Variants in TRHDE observed in about 807,000 individuals in gnomAD.
TRHDE encodes thyrotropin-releasing hormone-degrading ectoenzyme.
Under a neutral mutation model 125.7 loss-of-function variants are expected in TRHDE, and 72 were observed. That is an observed-to-expected ratio of 0.57 (90% CI 0.47 to 0.70). The LOEUF is 0.70. TRHDE is among the 30% of genes least tolerant of loss of function. TRHDE has a pLI of 0.00. For synonymous variants in TRHDE, 509 were observed against 509.1 expected, an observed-to-expected ratio of 1.00 and a Z score of 0.00; for missense variants, 1,110 against 1,327.1, an observed-to-expected ratio of 0.84 and a Z score of 2.54.
chr12:72,652,436 G>C lies in TRHDE; in HGVS notation c.2790G>C (p.Lys930Asn). 6.2e-7 allele frequency: 1 copy of C among 1,608,536 alleles called. No individual in the cohort carries two copies. Among genetic ancestry groups the C allele is most frequent in the Non-Finnish European group, 8.5e-7 (1 of 1,177,150 alleles). Residue 930 changes from lysine to asparagine, a missense_variant, in exon 16 of 19, where the codon AAG (lysine) becomes AAC (asparagine). Lys to Asn is a moderately conservative substitution (Grantham distance 94). Transcript: ENST00000261180. ...ATTCCACCACAGCAGTTTCTGAGAAGAAAATATTATTGGAAGCCTTAACTT... is the reference window on the plus strand; with the variant it reads ...ATTCCACCACAGCAGTTTCTGAGAACAAAATATTATTGGAAGCCTTAACTT... ...KFHSTTAVSE[K>N]KILLEALTCS... is the part of the protein sequence containing the mutation.
intron 3 of TRHDE, among the ~76,000 whole-genome samples, chr12:72,424,265 T>G (rs762148726): frequency 2.6e-5 from 4 of 152,142 alleles, no homozygotes; most frequent in Non-Finnish European, 5.9e-5. Flanking sequence ...AGTCTCTGCC[T>G]CTGTCATCAC....
At chr12:72,546,057 G>C (rs977209068) in intron 7 of TRHDE, among the ~76,000 whole-genome samples, 1 of 151,614 alleles carries the variant, frequency 6.6e-6, no homozygotes, top group African/African-American at 2.4e-5. Flanking sequence ...GACAAGAAAA[G>C]CTACCACGGT....
intron 2 of TRHDE, among the ~76,000 whole-genome samples, chr12:72,203,562 G>A (rs1877606434): frequency 6.6e-6 from 1 of 152,130 alleles, no homozygotes; most frequent in Non-Finnish European, 1.5e-5. Context: ...GAAGCCCTAG[G>A]AATATCAAAA....
intron 5 of TRHDE, among the ~76,000 whole-genome samples, chr12:72,493,338 T>C (rs1187162937): frequency 6.6e-6 from 1 of 152,008 alleles, no homozygotes; most frequent in Non-Finnish European, 1.5e-5. Context: ...TTTATATTTA[T>C]ATCTATATTT....
intron 2 of TRHDE, among the ~76,000 whole-genome samples, chr12:72,293,506 C>T (rs1333663459): frequency 6.6e-6 from 1 of 152,128 alleles, no homozygotes; most frequent in Non-Finnish European, 1.5e-5. Flanking sequence ...TACTCTCTTA[C>T]TGGGGACAGG....
intron 2 of TRHDE, among the ~76,000 whole-genome samples, chr12:72,153,745 A>C (rs1033654556): frequency 6.6e-5 from 10 of 152,200 alleles, no homozygotes; most frequent in African/African-American, 2.2e-4. Context: ...GTTTGATTGC[A>C]CTGTGGTCTG....
intron 2 of TRHDE, among the ~76,000 whole-genome samples, chr12:72,329,304 G>A (rs986464850): frequency 6.6e-6 from 1 of 152,200 alleles, no homozygotes; most frequent in Non-Finnish European, 1.5e-5. Context: ...AGGTAAACCA[G>A]TCCTTAAAAG....
chr12:72,334,256 A>G (rs776185577), intron 2 of TRHDE, among the ~76,000 whole-genome samples: 2 of 152,174 alleles, frequency 1.3e-5, no homozygotes, highest in African/African-American at 2.4e-5. Context: ...TTCTTGCCAG[A>G]ATTTTTCTTC....
chr12:72,499,101 C>T (rs772393828), intron 5 of TRHDE, among the ~76,000 whole-genome samples: 6 of 152,008 alleles, frequency 3.9e-5, no homozygotes, highest in Non-Finnish European at 8.8e-5. Context: ...GTTAGTACTT[C>T]TTATATTTAA....
intron 2 of TRHDE, among the ~76,000 whole-genome samples, chr12:72,261,466 A>T (rs1202699310): frequency 6.6e-6 from 1 of 152,224 alleles, no homozygotes; most frequent in Non-Finnish European, 1.5e-5. Flanking sequence ...GATTACTCTT[A>T]GTAGTGATTA....
intron 2 of TRHDE, among the ~76,000 whole-genome samples, chr12:72,198,810 C>A (rs543245739): frequency 2.6e-5 from 4 of 152,058 alleles, no homozygotes; most frequent in African/African-American, 9.7e-5. Context: ...TGAGACTGGG[C>A]AAATTATAAA....
At chr12:72,490,015 C>A (rs1365114756) in intron 5 of TRHDE, among the ~76,000 whole-genome samples, 5 of 151,740 alleles carry the variant, frequency 3.3e-5, no homozygotes, top group African/African-American at 1.2e-4. Flanking sequence ...AACTAAAAAG[C>A]TTCTGTACAG....
At chr12:72,657,110 T>C (rs1456637298) in intron 18 of TRHDE, 102 bp downstream of exon 18, 8 of 747,072 alleles carry the variant, frequency 1.1e-5, no homozygotes, top group Non-Finnish European at 1.9e-5. Context: ...ATCCATTCCT[T>C]TTACTTACAC....
At chr12:72,595,209 G>C (rs990524918) in intron 12 of TRHDE, among the ~76,000 whole-genome samples, 4 of 151,174 alleles carry the variant, frequency 2.6e-5, no homozygotes, top group Non-Finnish European at 5.9e-5. Context: ...CACATGTATA[G>C]GTATGTAACT....
chr12:72,509,451 C>T (rs1050428606), intron 6 of TRHDE, among the ~76,000 whole-genome samples: 4 of 152,026 alleles, frequency 2.6e-5, no homozygotes, highest in Admixed American at 2.0e-4. Context: ...ACTGTTCTAC[C>T]AGCTCCCTTG....
At chr12:72,323,292 G>A (rs1869183297) in intron 2 of TRHDE, among the ~76,000 whole-genome samples, 1 of 152,098 alleles carries the variant, frequency 6.6e-6, no homozygotes. Flanking sequence ...TGGCAGAGTG[G>A]CTTATTAGAA....
chr12:72,336,681 TTGTGC>T (rs1869843394), intron 2 of TRHDE, among the ~76,000 whole-genome samples: 3 of 152,170 alleles, frequency 2.0e-5, no homozygotes, highest in Admixed American at 6.5e-5. Context: ...GTGAGGGCCT[TTGTGC>T]TGTGTCATCC....
intron 2 of TRHDE, among the ~76,000 whole-genome samples, chr12:72,349,535 T>G (rs1290502518): frequency 6.7e-6 from 1 of 150,066 alleles, no homozygotes; most frequent in Non-Finnish European, 1.5e-5. Flanking sequence ...TGCTTTTAGG[T>G]CCCTTTGCCT....
At chr12:72,342,207 C>T (rs900011127) in intron 2 of TRHDE, among the ~76,000 whole-genome samples, 1 of 152,062 alleles carries the variant, frequency 6.6e-6, no homozygotes, top group Non-Finnish European at 1.5e-5. Flanking sequence ...TACACAATAA[C>T]CTACTTTAAA....
Sources: allele counts gnomAD v4.1 joint callset (sites outside exome capture counted in the v4.1 genomes callset), GRCh38; gene constraint gnomAD v4.1.1; transcripts MANE v1.5; gene names NCBI Gene and HGNC (gene_info 2026-07-23, HGNC 2026-07-21).